Variants in NTAQ1 observed in about 807,000 individuals in gnomAD.
NTAQ1 encodes N-terminal glutamine amidase 1.
In NTAQ1, 21 loss-of-function variants were observed where a neutral mutation model predicts 28.2. The ratio of observed to expected loss-of-function variants is 0.74; its 90% CI spans 0.53 to 1.07. The LOEUF is 1.07. Ranked by LOEUF, NTAQ1 falls within the 50% of genes least tolerant of loss-of-function variation. NTAQ1 has a pLI of 0.00. For synonymous variants in NTAQ1, 105 were observed against 90.0 expected (o/e 1.17, Z -0.94); for missense variants, 264 against 256.6 (o/e 1.03, Z -0.20).
chr8:123,442,164 TATC>T lies in NTAQ1; in HGVS notation c.*752_*754del. On this transcript the variant is annotated 3_prime_UTR_variant, in exon 6 of 6. Coordinates refer to ENST00000287387, the MANE Select transcript of NTAQ1 (RefSeq NM_018024.3). Reference sequence around the variant, plus strand: ...CATCTTGGTTATTTGGCTTTAATCATATCATTCCAAATGAAAGATATTTGGCAT... The same window carrying T: ...CATCTTGGTTATTTGGCTTTAATCATATTCCAAATGAAAGATATTTGGCAT... The T allele has an allele frequency of 6.6e-6, 1 of 152,218 alleles. No individual in the cohort carries two copies. Among genetic ancestry groups the T allele is most frequent in the Non-Finnish European group, 1.5e-5 (1 of 68,038 alleles). 9.4% of individuals were successfully genotyped at this position (152,218 alleles called of 1,614,324 possible).
intron 3 of NTAQ1, among the ~76,000 whole-genome samples, chr8:123,435,728 G>A (rs554442125): frequency 1.4e-4 from 22 of 151,998 alleles, no homozygotes; most frequent in African/African-American, 5.1e-4. Context: ...TTAGCTGGGC[G>A]TGGTGGCGGG....
At chr8:123,433,387 C>G (rs1814511823) in intron 3 of NTAQ1, among the ~76,000 whole-genome samples, 1 of 152,208 alleles carries the variant, frequency 6.6e-6, no homozygotes, top group Non-Finnish European at 1.5e-5. Context: ...CTGTGAAACT[C>G]TCTTTGGCCA....
At chr8:123,423,264 CTTTCTGTCTCTCT>C in intron 1 of NTAQ1, among the ~76,000 whole-genome samples, 1 of 140,414 alleles carries the variant, frequency 7.1e-6, no homozygotes, top group African/African-American at 2.7e-5. Context: ...TCCCTCCTTT[CTTTCTGTCTCTCT>C]CTTTCCTTCC....
At chr8:123,444,923 A>G (rs1246298481), downstream of NTAQ1, among the ~76,000 whole-genome samples, 2 of 152,244 alleles carry the variant, frequency 1.3e-5, no homozygotes, top group Non-Finnish European at 2.9e-5. Context: ...TTCCCAGCTC[A>G]GTAGAACTGG....
chr8:123,445,127 G>A (rs1326014802), downstream of NTAQ1, among the ~76,000 whole-genome samples: 2 of 152,004 alleles, frequency 1.3e-5, no homozygotes, highest in Non-Finnish European at 2.9e-5. Flanking sequence ...TTGGTGAAAA[G>A]TAAACTTCCC....
chr8:123,437,392 T>A (rs1266311380), intron 5 of NTAQ1, 58 bp downstream of exon 5: 2 of 1,593,726 alleles, frequency 1.3e-6, no homozygotes, highest in Admixed American at 3.5e-5. Flanking sequence ...ACATCAGCAT[T>A]TTTCCTTAAC....
chr8:123,430,316 C>T (rs988822606), intron 3 of NTAQ1, among the ~76,000 whole-genome samples: 2 of 152,166 alleles, frequency 1.3e-5, no homozygotes, highest in African/African-American at 2.4e-5. Context: ...GGAACTTTGG[C>T]TACACATTAG....
downstream of NTAQ1, among the ~76,000 whole-genome samples, chr8:123,448,410 C>T (rs1269574062): frequency 2.6e-5 from 4 of 152,112 alleles, no homozygotes; most frequent in Non-Finnish European, 2.9e-5. Context: ...GTCAGGAGTT[C>T]GAGACCAGCC....
intron 6 of NTAQ1, among the ~76,000 whole-genome samples, chr8:123,458,359 C>T (rs376974535): frequency 4.6e-5 from 7 of 151,846 alleles, no homozygotes; most frequent in African/African-American, 7.3e-5. Flanking sequence ...TCTGTTATAC[C>T]GCTCCGAGCC....
downstream of NTAQ1, among the ~76,000 whole-genome samples, chr8:123,449,267 G>C (rs1185182210): frequency 6.6e-6 from 1 of 152,220 alleles, no homozygotes; most frequent in African/African-American, 2.4e-5. Flanking sequence ...GCAGGCTGTG[G>C]TTTGGATTCT....
At chr8:123,418,454 A>AT (rs1203510674) in intron 1 of NTAQ1, among the ~76,000 whole-genome samples, 3 of 151,974 alleles carry the variant, frequency 2.0e-5, no homozygotes, top group African/African-American at 4.8e-5. Flanking sequence ...TCTCAAAAAA[A>AT]AAAAAAAAAT....
downstream of NTAQ1, among the ~76,000 whole-genome samples, chr8:123,449,862 TC>T (rs1253459492): frequency 5.9e-5 from 1 of 16,992 alleles, no homozygotes; most frequent in Non-Finnish European, 1.4e-4. Flanking sequence ...CGCTGCTTTC[TC>T]TCTCTCTCTC....
chr8:123,459,618 C>CT (rs1468029170), intron 6 of NTAQ1, among the ~76,000 whole-genome samples: 2 of 151,980 alleles, frequency 1.3e-5, no homozygotes, highest in African/African-American at 2.4e-5. Flanking sequence ...TTCAGGAACT[C>CT]TAAGTCAGGT....
intron 6 of NTAQ1, among the ~76,000 whole-genome samples, chr8:123,462,208 G>T (rs1815842374): frequency 1.3e-5 from 2 of 151,964 alleles, no homozygotes; most frequent in Non-Finnish European, 2.9e-5. Flanking sequence ...ACCACGCCTG[G>T]CTAATTTTTT....
chr8:123,423,266 TTCTG>T (rs1015727404), intron 1 of NTAQ1, among the ~76,000 whole-genome samples: 16 of 143,004 alleles, frequency 1.1e-4, no homozygotes, highest in South Asian at 2.4e-4. Flanking sequence ...CCTCCTTTCT[TTCTG>T]TCTCTCTCTT....
intron 1 of NTAQ1, among the ~76,000 whole-genome samples, chr8:123,423,893 T>A (rs1813877105): frequency 6.8e-6 from 1 of 148,080 alleles, no homozygotes; most frequent in African/African-American, 2.5e-5. Flanking sequence ...TTATTATTTT[T>A]AATTTTTAGA....
chr8:123,455,517 C>T (rs887269179), intron 6 of NTAQ1, among the ~76,000 whole-genome samples: 4 of 150,638 alleles, frequency 2.7e-5, no homozygotes, highest in African/African-American at 9.8e-5. Flanking sequence ...CCGTCGCCTC[C>T]TGGGTTCAAG....
downstream of NTAQ1, among the ~76,000 whole-genome samples, chr8:123,471,951 A>G (rs535163680): frequency 6.6e-5 from 10 of 152,342 alleles, no homozygotes; most frequent in South Asian, 6.2e-4. Flanking sequence ...GGGAAGCACA[A>G]TTCAACCCAT....
chr8:123,420,328 G>A (rs10108519), intron 1 of NTAQ1, among the ~76,000 whole-genome samples: 151,329 of 152,320 alleles, frequency 0.99, 75,175 homozygotes, highest in East Asian at 1. Context: ...ATTGATAGGT[G>A]CCTAGGTTGA....
Sources: gnomAD v4.1 joint callset for allele counts (sites outside exome capture counted in the v4.1 genomes callset) on GRCh38, gnomAD v4.1.1 for gene constraint, MANE v1.5 for transcripts, NCBI Gene and HGNC (gene_info 2026-07-23, HGNC 2026-07-21) for gene names.